ADGRL2: variants seen among roughly 807,000 people sequenced by gnomAD.
ADGRL2 encodes the protein calcium-independent alpha-latrotoxin receptor 2.
ADGRL2 carries 44 observed loss-of-function variants against 157.4 expected under a neutral mutation model. The observed-to-expected ratio is 0.28, with a 90% CI of 0.22 to 0.36. The LOEUF (loss-of-function observed/expected upper bound fraction) is 0.36. ADGRL2 is among the 10% of genes least tolerant of loss of function. The pLI is 1.00. For synonymous variants in ADGRL2, 585 were observed against 624.7 expected (o/e 0.94, Z 0.95); for missense variants, 1,510 against 1,768.9 (o/e 0.85, Z 2.63).
chr1:81,497,004 C>T (rs142009279), intron 2 of ADGRL2, among the ~76,000 whole-genome samples: 1 of 152,056 alleles, frequency 6.6e-6, no homozygotes, highest in East Asian at 1.9e-4. Flanking sequence ...AATGATCTTT[C>T]CTCACACAAG....
intron 2 of ADGRL2, among the ~76,000 whole-genome samples, chr1:81,565,468 A>G (rs2080537450): frequency 6.6e-6 from 1 of 152,172 alleles, no homozygotes; most frequent in Non-Finnish European, 1.5e-5. Context: ...TACTAAAGAG[A>G]AAAAAAGGAT....
intron 1 of ADGRL2, among the ~76,000 whole-genome samples, chr1:81,369,796 G>A (rs548257184): frequency 7.0e-4 from 107 of 152,304 alleles, no homozygotes; most frequent in Admixed American, 1.1e-3. Flanking sequence ...TAATTTGCAT[G>A]AAGCACTTGT....
At chr1:81,373,270 C>T (rs1391896291) in intron 1 of ADGRL2, among the ~76,000 whole-genome samples, 1 of 152,198 alleles carries the variant, frequency 6.6e-6, no homozygotes, top group Non-Finnish European at 1.5e-5. Context: ...AACTCCTGAT[C>T]CCACTTCTCA....
chr1:81,393,982 A>G (rs115184219), intron 1 of ADGRL2, among the ~76,000 whole-genome samples: 1,755 of 152,188 alleles, frequency 0.012, 34 homozygotes, highest in African/African-American at 0.04. Context: ...TTTCAGGGAA[A>G]ATATAAAACA....
chr1:81,981,932 C>T lies in ADGRL2; in HGVS notation c.3238C>T (p.Gln1080Ter). 1 of 1,612,086 alleles carries T rather than the reference C, an allele frequency of 6.2e-7. No individual in the cohort carries two copies. The highest frequency in any genetic ancestry group is 8.5e-7 in the Non-Finnish European group (1 of 1,178,854). ...AYLFTIFNAF[Q>*]GVFIFIFHCA... ...TCTCTTCACTATATTTAATGCTTTC[C>T]AGGGAGTGTTCATTTTCATCTTTCA... The change falls in exon 19 of 24, where the codon CAG (glutamine) becomes TAG (stop). Residue 1080 changes from glutamine (Q) to a stop codon, truncating the protein, a stop_gained. Transcript: ENST00000686636. LOFTEE classifies it high-confidence loss of function.
At chr1:81,800,448 CG>C (rs538383777), upstream of ADGRL2, 9 of 151,966 alleles carry the variant, frequency 5.9e-5, no homozygotes, top group Non-Finnish European at 1.3e-4. Flanking sequence ...AGGAGGGCTA[CG>C]GAAACTAAAA....
At chr1:81,399,179 A>T (rs1270828360) in intron 1 of ADGRL2, among the ~76,000 whole-genome samples, 1 of 152,104 alleles carries the variant, frequency 6.6e-6, no homozygotes, top group African/African-American at 2.4e-5. Context: ...AAACTATCAG[A>T]TCTCATGAGA....
In ADGRL2 at chr1:81,941,921, A is replaced by T. The variant is rs185980635; in HGVS notation, c.398-113A>T. On this transcript the variant is annotated intron_variant, in intron 4 of 23. Coordinates refer to ENST00000686636, the MANE Select transcript of ADGRL2 (RefSeq NM_001366006.2). ...AGTAGTACAGCTCTTAATTCTTCCT[A>T]TATTTAGCATCTGTTACGAATTCAG... 496 of 570,334 alleles carry T rather than the reference A, an allele frequency of 8.7e-4. 1 individual carries two copies. Among genetic ancestry groups the T allele is most frequent in the Non-Finnish European group, 7.3e-5 (23 of 315,450 alleles). The allele number at this position is 570,334 out of a possible 1,614,324, so 35.3% of individuals were successfully genotyped here.
chr1:81,818,177 C>A (rs2090610932), intron 1 of ADGRL2, among the ~76,000 whole-genome samples: 1 of 151,936 alleles, frequency 6.6e-6, no homozygotes, highest in Non-Finnish European at 1.5e-5. Flanking sequence ...AAAAATTCCT[C>A]TTGAGAGTCT....
In ADGRL2 at chr1:81,618,066, T is replaced by C. The variant is rs966767689; in HGVS notation, c.-143+37086T>C. 3.3e-5 allele frequency among the ~76,000 whole-genome samples: 5 copies of C among 152,064 alleles called. 1 individual carries two copies. The highest frequency in any genetic ancestry group is 2.0e-4 in the Admixed American group (3 of 15,262). On this transcript the variant is annotated intron_variant, in intron 3 of 24. Transcript: ENST00000370721. ...TTATTGTTAAAGGTTATGTTGGGTT[T>C]TTTTTTTCCTTCCAATTATAAGGAG...
At chr1:81,536,347 AAAAC>A (rs1466749156) in intron 2 of ADGRL2, among the ~76,000 whole-genome samples, 1 of 152,236 alleles carries the variant, frequency 6.6e-6, no homozygotes, top group Non-Finnish European at 1.5e-5. Flanking sequence ...CCGTTGAAGA[AAAAC>A]AAACAAAATT....
At chr1:81,928,900 AG>A (rs1366674585) in intron 3 of ADGRL2, among the ~76,000 whole-genome samples, 1 of 152,078 alleles carries the variant, frequency 6.6e-6, no homozygotes, top group Non-Finnish European at 1.5e-5. Context: ...AAAGTAACTC[AG>A]GAAAAAAAAA....
chr1:81,680,305 T>A (rs1383744063), intron 3 of ADGRL2, among the ~76,000 whole-genome samples: 1 of 152,182 alleles, frequency 6.6e-6, no homozygotes, highest in Non-Finnish European at 1.5e-5. Flanking sequence ...AACTTAAATC[T>A]CTTCTTATAT....
intron 2 of ADGRL2, chr1:81,502,040 A>C: frequency 6.2e-7 from 1 of 1,603,138 alleles, no homozygotes. Flanking sequence ...ACGGGGCAAC[A>C]TGAACTCAGA....
intron 3 of ADGRL2, among the ~76,000 whole-genome samples, chr1:81,927,404 A>G (rs17107488): frequency 0.14 from 21,889 of 151,970 alleles, 2,682 homozygotes; most frequent in East Asian, 0.63. Context: ...TTTTTATGCA[A>G]TTTCAAGGAT....
chr1:81,686,726 A>G (rs746336428), intron 3 of ADGRL2, among the ~76,000 whole-genome samples: 1 of 151,980 alleles, frequency 6.6e-6, no homozygotes, highest in Non-Finnish European at 1.5e-5. Flanking sequence ...GTGTGACCTT[A>G]GATTGTCTGT....
chr1:81,629,667 ATGTGTGTGTGTGTGTG>A (rs60497907), intron 3 of ADGRL2, among the ~76,000 whole-genome samples: 30,287 of 149,206 alleles, frequency 0.2, 3,306 homozygotes, highest in East Asian at 0.35. Context: ...ATGAATGTAT[ATGTGTGTGTGTGTGTG>A]TGTGTGTGTG....
At chr1:81,612,840 T>G (rs1318719277) in intron 3 of ADGRL2, among the ~76,000 whole-genome samples, 1 of 152,108 alleles carries the variant, frequency 6.6e-6, no homozygotes, top group East Asian at 1.9e-4. Context: ...ATCAGACAAA[T>G]GCACATCAAA....
chr1:81,928,903 A>G (rs1447164801), intron 3 of ADGRL2, among the ~76,000 whole-genome samples: 2 of 148,602 alleles, frequency 1.3e-5, no homozygotes, highest in South Asian at 2.1e-4. Flanking sequence ...GTAACTCAGG[A>G]AAAAAAAAAA....
Sources: allele counts gnomAD v4.1 joint callset (sites outside exome capture counted in the v4.1 genomes callset), GRCh38; gene constraint gnomAD v4.1.1; transcripts MANE v1.5; gene names NCBI Gene and HGNC (gene_info 2026-07-23, HGNC 2026-07-21).